NEGR1: variants seen among roughly 807,000 people sequenced by gnomAD.
NEGR1 encodes the protein neuronal growth regulator 1.
NEGR1 carries 10 observed loss-of-function variants against 40.9 expected under a neutral mutation model. The observed-to-expected ratio is 0.24, with a 90% CI of 0.15 to 0.42. The LOEUF (loss-of-function observed/expected upper bound fraction) is 0.42, where lower values mean the gene tolerates loss of function less well. NEGR1 is among the 10% of genes least tolerant of loss of function. NEGR1 has a pLI of 1.00. For missense variants in NEGR1, 352 were observed against 438.9 expected, an observed-to-expected ratio of 0.80 and a Z score of 1.77; for synonymous variants, 185 against 166.8, an observed-to-expected ratio of 1.11 and a Z score of -0.84.
At chr1:71,588,490 A>G (rs1031489322) in intron 6 of NEGR1, among the ~76,000 whole-genome samples, 1 of 152,134 alleles carries the variant, frequency 6.6e-6, no homozygotes, top group East Asian at 1.9e-4. Flanking sequence ...GAGAATCTAG[A>G]GGATGAGGGA....
intron 1 of NEGR1, among the ~76,000 whole-genome samples, chr1:72,111,075 T>TAG (rs1557531697): frequency 3.6e-5 from 3 of 83,650 alleles, no homozygotes; most frequent in African/African-American, 3.1e-5. Context: ...TACATACACA[T>TAG]ATATATATAT....
At chr1:71,482,540 A>G (rs1216128267) in intron 6 of NEGR1, among the ~76,000 whole-genome samples, 1 of 151,910 alleles carries the variant, frequency 6.6e-6, no homozygotes, top group Admixed American at 6.6e-5. Context: ...GATAATTTTT[A>G]TGCTCTTTTC....
intron 1 of NEGR1, among the ~76,000 whole-genome samples, chr1:72,173,743 C>T (rs1000546861): frequency 4.6e-5 from 7 of 152,132 alleles, no homozygotes; most frequent in African/African-American, 1.7e-4. Context: ...GAGTTCGAGA[C>T]AAGCCTGGCC....
At chr1:71,524,427 G>A (rs1647193343) in intron 6 of NEGR1, among the ~76,000 whole-genome samples, 1 of 149,710 alleles carries the variant, frequency 6.7e-6, no homozygotes, top group African/African-American at 2.5e-5. Context: ...TCTTTTCAAT[G>A]AAAATCATTA....
At chr1:71,942,483 A>ATT (rs1162818244) in intron 1 of NEGR1, among the ~76,000 whole-genome samples, 6 of 18,612 alleles carry the variant, frequency 3.2e-4, no homozygotes, top group Non-Finnish European at 4.8e-4. Flanking sequence ...ATATATATAT[A>ATT]TTTTTTTTTT....
intron 2 of NEGR1, among the ~76,000 whole-genome samples, chr1:71,857,131 C>T (rs1202212369): frequency 6.6e-6 from 1 of 151,976 alleles, no homozygotes; most frequent in Non-Finnish European, 1.5e-5. Context: ...TCTTTCCATT[C>T]AACTTCTGAG....
At chr1:71,504,257 C>T (rs1311579402) in intron 6 of NEGR1, among the ~76,000 whole-genome samples, 1 of 151,570 alleles carries the variant, frequency 6.6e-6, no homozygotes, top group Non-Finnish European at 1.5e-5. Context: ...AAATGAGAAA[C>T]TGATGGAGGA....
chr1:71,668,625 T>C (rs1232447785), intron 4 of NEGR1, among the ~76,000 whole-genome samples: 1 of 152,154 alleles, frequency 6.6e-6, no homozygotes, highest in Non-Finnish European at 1.5e-5. Flanking sequence ...ATTCACTTTA[T>C]CTTGGGGCCT....
chr1:71,455,249 C>T (rs1182856633), intron 6 of NEGR1, among the ~76,000 whole-genome samples: 1 of 152,154 alleles, frequency 6.6e-6, no homozygotes, highest in Admixed American at 6.5e-5. Flanking sequence ...TGCCCTTGAG[C>T]CTAATATATT....
intron 2 of NEGR1, among the ~76,000 whole-genome samples, chr1:71,856,217 C>A (rs990242534): frequency 6.6e-6 from 1 of 152,000 alleles, no homozygotes; most frequent in Non-Finnish European, 1.5e-5. Flanking sequence ...AGTAAGTGCC[C>A]TACCAGTCGA....
chr1:72,257,543 C>T (rs1319760307), intron 1 of NEGR1, among the ~76,000 whole-genome samples: 2 of 152,022 alleles, frequency 1.3e-5, no homozygotes, highest in Non-Finnish European at 2.9e-5. Context: ...AATGCCCCTC[C>T]TCCATATATT....
At chr1:72,111,519 A>T (rs929530041) in intron 1 of NEGR1, among the ~76,000 whole-genome samples, 1 of 151,752 alleles carries the variant, frequency 6.6e-6, no homozygotes, top group African/African-American at 2.4e-5. Flanking sequence ...AATTCATTTT[A>T]AATTTTAATA....
intron 1 of NEGR1, among the ~76,000 whole-genome samples, chr1:72,123,512 C>T (rs987700812): frequency 7.9e-5 from 12 of 151,360 alleles, no homozygotes; most frequent in African/African-American, 2.9e-4. Context: ...AAACATTTGC[C>T]TTTATGGCAA....
At chr1:71,862,621 C>T (rs1256480581) in intron 2 of NEGR1, among the ~76,000 whole-genome samples, 1 of 152,030 alleles carries the variant, frequency 6.6e-6, no homozygotes, top group East Asian at 1.9e-4. Flanking sequence ...AATTAATTTA[C>T]TGATATATTT....
intron 2 of NEGR1, among the ~76,000 whole-genome samples, chr1:71,839,198 CTT>C (rs140520810): frequency 0.35 from 27,945 of 80,240 alleles, 4,587 homozygotes; most frequent in East Asian, 0.63. Context: ...AGAGACCAGA[CTT>C]TTTTTTTTTT....
chr1:71,599,260 C>T (rs1156764173), intron 5 of NEGR1, among the ~76,000 whole-genome samples: 1 of 151,882 alleles, frequency 6.6e-6, no homozygotes, highest in East Asian at 1.9e-4. Context: ...GATACATTTC[C>T]TCTCAGTTGG....
chr1:72,156,413 G>T (rs1651358880), intron 1 of NEGR1, among the ~76,000 whole-genome samples: 1 of 152,040 alleles, frequency 6.6e-6, no homozygotes, highest in Non-Finnish European at 1.5e-5. Context: ...CCACATTTTT[G>T]AAAGCAGTAG....
chr1:71,859,402 A>C (rs1046126176), intron 2 of NEGR1, among the ~76,000 whole-genome samples: 5 of 151,896 alleles, frequency 3.3e-5, no homozygotes, highest in Admixed American at 6.6e-5. Flanking sequence ...ATTCTCTCTA[A>C]AACACATCCT....
At chr1:71,866,995 T>A (rs1193135419) in intron 2 of NEGR1, among the ~76,000 whole-genome samples, 1 of 152,212 alleles carries the variant, frequency 6.6e-6, no homozygotes, top group African/African-American at 2.4e-5. Flanking sequence ...TTGTGAGGCA[T>A]AAAGATTATC....
Sources: gnomAD v4.1 joint callset for allele counts (sites outside exome capture counted in the v4.1 genomes callset) on GRCh38, gnomAD v4.1.1 for gene constraint, MANE v1.5 for transcripts, NCBI Gene and HGNC (gene_info 2026-07-23, HGNC 2026-07-21) for gene names.